NRIP1: variants seen among roughly 807,000 people sequenced by gnomAD.
NRIP1 encodes nuclear receptor interacting protein 1, also known as nuclear receptor-interacting protein 1.
A neutral mutation model predicts 75.0 loss-of-function variants in NRIP1; 28 were observed. That is an observed-to-expected ratio of 0.37 (90% CI 0.28 to 0.51). The LOEUF (loss-of-function observed/expected upper bound fraction) is 0.51, where lower values mean the gene tolerates loss of function less well. NRIP1 is among the 20% of genes least tolerant of loss of function. The pLI, the probability that NRIP1 is intolerant of heterozygous loss-of-function variation, is 0.92. For missense variants in NRIP1, 1,435 were observed against 1,343.7 expected (o/e 1.07, Z -1.06); for synonymous variants, 526 against 487.6 (o/e 1.08, Z -1.04).
intron 2 of NRIP1, among the ~76,000 whole-genome samples, chr21:15,022,815 G>C (rs952199909): frequency 1.3e-5 from 2 of 152,150 alleles, no homozygotes; most frequent in Non-Finnish European, 2.9e-5. Context: ...TGTATATACA[G>C]AAGGGAAATA....
At chr21:15,040,675 A>G (rs936813653) in intron 2 of NRIP1, among the ~76,000 whole-genome samples, 3 of 152,120 alleles carry the variant, frequency 2.0e-5, no homozygotes, top group Admixed American at 6.5e-5. Context: ...TCATACGATC[A>G]TAAGTACATA....
In NRIP1 at chr21:14,966,387, A is replaced by C. The variant is rs770793217; in HGVS notation, c.1806T>G (p.Leu602=). ...CTCCTGGTGGGTCTTTGCTTTTTGT[A>C]AGGTCCATTGAGTGGTTAGATGCAG... ...TNTASNHSMD[L]TKSKDPPGEK... is the part of the protein sequence containing the mutation. The change falls in exon 4 of 4, where the codon CTT becomes CTG. Residue 602 remains leucine (L), a synonymous_variant. Coordinates refer to ENST00000318948, the MANE Select transcript of NRIP1 (RefSeq NM_003489.4). 4 of 1,614,000 alleles carry C rather than the reference A, an allele frequency of 2.5e-6. No individual in the cohort carries two copies. Among genetic ancestry groups the C allele is most frequent in the Non-Finnish European group, 2.5e-6 (3 of 1,179,950 alleles).
intron 2 of NRIP1, among the ~76,000 whole-genome samples, 171 bp from the exon 3 acceptor site, chr21:15,014,637 GC>G (rs2088182548): frequency 6.6e-6 from 1 of 152,132 alleles, no homozygotes; most frequent in African/African-American, 2.4e-5. Flanking sequence ...TTAACAGAAA[GC>G]AATAGATCTC....
intron 1 of NRIP1, among the ~76,000 whole-genome samples, chr21:15,047,423 C>T (rs2089106028): frequency 6.6e-6 from 1 of 152,128 alleles, no homozygotes; most frequent in Non-Finnish European, 1.5e-5. Flanking sequence ...GCCTGTGGTC[C>T]CAGCTACTTG....
intron 3 of NRIP1, among the ~76,000 whole-genome samples, chr21:14,978,252 AG>A (rs1378874966): frequency 6.6e-6 from 1 of 152,226 alleles, no homozygotes; most frequent in Non-Finnish European, 1.5e-5. Context: ...TATGATTCCA[AG>A]TAATTTGTCA....
intron 3 of NRIP1, among the ~76,000 whole-genome samples, chr21:14,977,979 A>G (rs1001480855): frequency 1.3e-5 from 2 of 152,160 alleles, no homozygotes; most frequent in Non-Finnish European, 2.9e-5. Context: ...CACCAGAGAC[A>G]CCGGTGACGA....
intron 3 of NRIP1, among the ~76,000 whole-genome samples, chr21:14,993,662 G>A (rs1377061396): frequency 6.6e-6 from 1 of 152,054 alleles, no homozygotes; most frequent in East Asian, 1.9e-4. Flanking sequence ...GCACGTGCCT[G>A]TTGTCCCAGC....
intron 3 of NRIP1, among the ~76,000 whole-genome samples, chr21:14,992,035 CTTG>C (rs2087587013): frequency 6.6e-6 from 1 of 151,940 alleles, no homozygotes; most frequent in African/African-American, 2.4e-5. Context: ...GGAAGTCAGT[CTTG>C]TTTTGTTTTG....
chr21:15,026,766 A>G (rs1032232821), intron 2 of NRIP1, among the ~76,000 whole-genome samples: 1 of 152,128 alleles, frequency 6.6e-6, no homozygotes. Flanking sequence ...ACAATGGAAT[A>G]TTGCCCAGGA....
At chr21:15,055,919 C>T (rs1395042891) in intron 1 of NRIP1, among the ~76,000 whole-genome samples, 1 of 151,462 alleles carries the variant, frequency 6.6e-6, no homozygotes, top group Non-Finnish European at 1.5e-5. Context: ...CATTGTATCA[C>T]ATGGATCCCC....
chr21:15,036,736 G>C (rs2088842258), intron 2 of NRIP1, among the ~76,000 whole-genome samples: 1 of 152,026 alleles, frequency 6.6e-6, no homozygotes, highest in Admixed American at 6.5e-5. Flanking sequence ...TAGCCAGGCA[G>C]GCTACTTAGC....
chr21:15,036,139 CAGA>C (rs1296584762), intron 2 of NRIP1, among the ~76,000 whole-genome samples: 2 of 152,176 alleles, frequency 1.3e-5, no homozygotes, highest in South Asian at 2.1e-4. Flanking sequence ...TGAATAAAGC[CAGA>C]AGATCAATAT....
intron 2 of NRIP1, among the ~76,000 whole-genome samples, chr21:15,030,772 C>G (rs1231092537): frequency 1.3e-5 from 2 of 152,132 alleles, no homozygotes; most frequent in Non-Finnish European, 2.9e-5. Flanking sequence ...CAAATAAATT[C>G]AGGAAATGAT....
At chr21:14,999,649 C>A (rs1462207365) in intron 3 of NRIP1, among the ~76,000 whole-genome samples, 1 of 152,128 alleles carries the variant, frequency 6.6e-6, no homozygotes, top group Non-Finnish European at 1.5e-5. Context: ...TGCCTAAAGC[C>A]CAGTGTTCTC....
chr21:14,996,385 T>C (rs572971083), intron 3 of NRIP1, among the ~76,000 whole-genome samples: 2 of 152,302 alleles, frequency 1.3e-5, no homozygotes, highest in South Asian at 4.1e-4. Flanking sequence ...TCTTTGGGCG[T>C]CTGTGTGAGT....
In NRIP1 at chr21:14,962,762, T is replaced by C. The variant is rs1600794933; in HGVS notation, c.*1954A>G. 2 of 152,470 alleles carry C rather than the reference T, an allele frequency of 1.3e-5. No individual in the cohort carries two copies. The highest frequency in any genetic ancestry group is 3.8e-4 in the East Asian group (2 of 5,200). 9.4% of individuals were successfully genotyped at this position (152,470 alleles called of 1,614,324 possible). On this transcript the variant is annotated 3_prime_UTR_variant, in exon 4 of 4. Coordinates refer to ENST00000318948, the MANE Select transcript of NRIP1 (RefSeq NM_003489.4). ...CCCACTCCTATTACTGTATAATATT[T>C]CCAGTAGCTATTTACAAATCATTCT...
chr21:14,975,734 T>C (rs1356187316), intron 3 of NRIP1, among the ~76,000 whole-genome samples: 2 of 152,032 alleles, frequency 1.3e-5, no homozygotes, highest in South Asian at 2.1e-4. Flanking sequence ...GATTTCAGTA[T>C]TGCCTCATCC....
intron 3 of NRIP1, among the ~76,000 whole-genome samples, chr21:14,982,533 C>T (rs1027979457): frequency 1.3e-5 from 2 of 152,154 alleles, no homozygotes; most frequent in African/African-American, 4.8e-5. Context: ...ACAACTCATC[C>T]TCTCTTTAGG....
intron 3 of NRIP1, among the ~76,000 whole-genome samples, chr21:14,986,094 T>C (rs1437620819): frequency 6.6e-6 from 1 of 152,198 alleles, no homozygotes; most frequent in East Asian, 1.9e-4. Flanking sequence ...AATAATTATA[T>C]GCCAAAGAAT....
Sources: allele counts gnomAD v4.1 joint callset (sites outside exome capture counted in the v4.1 genomes callset), GRCh38; gene constraint gnomAD v4.1.1; transcripts MANE v1.5; gene names NCBI Gene and HGNC (gene_info 2026-07-23, HGNC 2026-07-21).